CANX: variants seen among roughly 807,000 people sequenced by gnomAD.
CANX encodes the protein calnexin.
A neutral mutation model predicts 75.7 loss-of-function variants in CANX; 14 were observed. That is an observed-to-expected ratio of 0.19 (90% confidence interval 0.12 to 0.29). The LOEUF (loss-of-function observed/expected upper bound fraction) is 0.29, where lower values mean the gene tolerates loss of function less well. Among genes scored for constraint, CANX ranks in the 10% least tolerant of loss-of-function variants. CANX has a pLI of 1.00. For missense variants in CANX, 567 were observed against 713.2 expected, an observed-to-expected ratio of 0.79 and a Z score of 2.34; for synonymous variants, 227 against 236.9, an observed-to-expected ratio of 0.96 and a Z score of 0.38.
rs913712750 is a variant in CANX at position 179,683,208 on chromosome 5, G to A, written c.-4+4431G>A. ...CAGTGGCGCTACCTCAGCTCACTGC[G>A]ACCTCCACTTCGAGGTTCACACCAT... On this transcript the variant is annotated intron_variant, in intron 1 of 14. Coordinates refer to the CANX transcript ENST00000681674. Among the ~76,000 whole-genome samples the A allele has an allele frequency of 7.9e-5, 12 of 152,120 alleles. No individual in the cohort carries two copies. In the South Asian group the frequency reaches 1.0e-3, roughly 13 times the overall value.
intron 1 of CANX, among the ~76,000 whole-genome samples, chr5:179,692,792 T>C (rs1776320292): frequency 6.6e-6 from 1 of 152,108 alleles, no homozygotes; most frequent in African/African-American, 2.4e-5. Context: ...CTGGCATTAC[T>C]GGCAAGAGCC....
intron 8 of CANX, among the ~76,000 whole-genome samples, chr5:179,717,066 G>A (rs769983723): frequency 5.3e-5 from 8 of 152,306 alleles, no homozygotes; most frequent in Admixed American, 1.3e-4. Flanking sequence ...CTGTATTCTT[G>A]TATATGGCTG....
chr5:179,698,696 C>T, upstream of CANX: 2 of 951,736 alleles, frequency 2.1e-6, no homozygotes, highest in East Asian at 6.2e-5. Flanking sequence ...CCCCGAGACG[C>T]GCGCGCCCGG....
At chr5:179,705,102 C>T (rs910412561) in intron 1 of CANX, among the ~76,000 whole-genome samples, 57 of 152,208 alleles carry the variant, frequency 3.7e-4, no homozygotes, top group African/African-American at 1.3e-3. Flanking sequence ...TCTCCTGACT[C>T]AGCCTCCCAA....
rs1291386793 is a variant in CANX, at chr5:179,709,961, A to G, written c.617A>G (p.His206Arg). 1 of 1,613,340 alleles carries G rather than the reference A, an allele frequency of 6.2e-7. No individual in the cohort carries two copies. The highest frequency in any genetic ancestry group is 8.5e-7 in the Non-Finnish European group (1 of 1,179,446). ...EDYKLHFIFRHKNPKTGIYEE... is the reference protein window; with the variant it reads ...EDYKLHFIFRRKNPKTGIYEE... ...TATAAACTGCACTTCATCTTCCGAC[A>G]CAAAAACCCCAAAACGGGTATCTAT... The change falls in exon 7 of 15, where the codon CAC (histidine) becomes CGC (arginine). Residue 206 changes from histidine (H) to arginine (R), a missense_variant. By Grantham distance (29) the His-to-Arg change is conservative. Coordinates refer to ENST00000247461, the MANE Select transcript of CANX (RefSeq NM_001746.4).
intron 11 of CANX, 191 bp from the exon 12 acceptor site, chr5:179,723,469 A>T: frequency 1.9e-6 from 1 of 536,138 alleles, no homozygotes; most frequent in Non-Finnish European, 3.2e-6. Context: ...TGAGAGTGAA[A>T]TCATCTTGAT....
At chr5:179,698,584 C>T, upstream of CANX, 1 of 1,289,330 alleles carries the variant, frequency 7.8e-7, no homozygotes, top group Non-Finnish European at 1.0e-6. Context: ...TCCCAAGTCT[C>T]GGCTCCAGGA....
intron 13 of CANX, among the ~76,000 whole-genome samples, chr5:179,725,632 G>A (rs1213268680): frequency 7.1e-6 from 1 of 141,576 alleles, no homozygotes; most frequent in Admixed American, 7.4e-5. Context: ...AGTGAGCCGA[G>A]ATTGGGCCAC....
intron 1 of CANX, among the ~76,000 whole-genome samples, chr5:179,704,656 C>T (rs1036592585): frequency 1.3e-5 from 2 of 151,830 alleles, no homozygotes; most frequent in East Asian, 1.9e-4. Flanking sequence ...GCCAACATGG[C>T]GAAACCCTGT....
intron 1 of CANX, chr5:179,678,883 GCT>G (rs1775973510): frequency 1.3e-6 from 2 of 1,535,682 alleles, no homozygotes; most frequent in African/African-American, 2.7e-5. Context: ...TCGCCAGCTG[GCT>G]CTCAGTGGTC....
In CANX at chr5:179,708,931, A is replaced by C. The variant is rs772110044; in HGVS notation, c.447-47A>C. The stretch of plus-strand genomic sequence containing the variant: ...GAGGAAATACATTAAGAGAGTTTCG[A>C]TCTTTCAAAATGCCATACAGTTTTC... On this transcript the variant is annotated intron_variant, in intron 5 of 14. Transcript: ENST00000247461. The C allele has an allele frequency of 4.2e-6, 4 of 960,418 alleles. No individual in the cohort carries two copies. In the East Asian group the frequency reaches 7.2e-5, roughly 17 times the overall value. The allele number at this position is 960,418 out of a possible 1,614,324, so 59.5% of individuals were successfully genotyped here. A position where few individuals can be genotyped will look rare whatever the true frequency, so the allele number is the denominator to read the frequency against.
At chr5:179,698,215 A>G (rs911597311), upstream of CANX, among the ~76,000 whole-genome samples, 1 of 152,358 alleles carries the variant, frequency 6.6e-6, no homozygotes, top group African/African-American at 2.4e-5. Flanking sequence ...CCATGGCACC[A>G]TCCTTTCTCT....
chr5:179,700,548 A>G (rs1383518421), intron 1 of CANX: 1 of 152,580 alleles, frequency 6.6e-6, no homozygotes, highest in African/African-American at 2.4e-5. Context: ...CTGGATCATG[A>G]GAATGCTCGA....
chr5:179,711,175 A>T (rs1777527271), intron 7 of CANX, among the ~76,000 whole-genome samples: 1 of 152,036 alleles, frequency 6.6e-6, no homozygotes, highest in African/African-American at 2.4e-5. Context: ...TGTAATCCTA[A>T]CACTTCGGGA....
rs755619472 is a variant in CANX, at chr5:179,680,915, A to G, written c.-4+2138A>G. 6 of 1,536,572 alleles carry G rather than the reference A, an allele frequency of 3.9e-6. No individual in the cohort carries two copies. The South Asian group carries it at 7.1e-5, about 18-fold the overall frequency. ...TCAGGGAGATGGTCTCTGGAAGCCC[A>G]CATCCAGGCCCACCCTTGAGATTGT... On this transcript the variant is annotated intron_variant, in intron 1 of 14. Transcript: ENST00000681674.
At chr5:179,714,737 TC>T (rs1777812781) in intron 7 of CANX, among the ~76,000 whole-genome samples, 1 of 152,098 alleles carries the variant, frequency 6.6e-6, no homozygotes, top group Non-Finnish European at 1.5e-5. Flanking sequence ...CAGGATGGTC[TC>T]GATCTCCTGA....
rs547529615 is a variant in CANX at position 179,723,305 on chromosome 5, A to G, written c.1398+286A>G. On this transcript the variant is annotated intron_variant, in intron 11 of 14. Transcript: ENST00000247461. ...ATTTTAATACACTCTTATATGTTGA[A>G]TCTCGGTTTACACTACATACAGAAT... is the stretch of plus-strand genomic sequence containing the variant. Among the ~76,000 whole-genome samples the G allele has an allele frequency of 3.3e-5, 5 of 152,034 alleles. No individual in the cohort carries two copies. The South Asian group carries it at 1.0e-3, about 32-fold the overall frequency.
chr5:179,706,506 T>G (rs1581851784), intron 3 of CANX, among the ~76,000 whole-genome samples, 175 bp downstream of exon 3: 2 of 152,174 alleles, frequency 1.3e-5, no homozygotes, highest in East Asian at 3.8e-4. Context: ...TGCAATGGCG[T>G]GATACCGGCT....
rs912211353 is a variant in CANX at position 179,690,646 on chromosome 5, C to T, written c.-4+11869C>T. ...GTGGCTCACGCCTGTAATCCCAGCACTTTGGGAGGCTCAGGCAGGTGGATC... is the reference window on the plus strand; with the variant it reads ...GTGGCTCACGCCTGTAATCCCAGCATTTTGGGAGGCTCAGGCAGGTGGATC... On this transcript the variant is annotated intron_variant, in intron 1 of 14. Transcript: ENST00000681674. Among the ~76,000 whole-genome samples, 10 of 148,198 alleles carry T rather than the reference C, an allele frequency of 6.7e-5. No homozygotes were observed. The Admixed American group carries it at 6.8e-4, about 10-fold the overall frequency.
Sources: allele counts gnomAD v4.1 joint callset (sites outside exome capture counted in the v4.1 genomes callset), GRCh38; gene constraint gnomAD v4.1.1; transcripts MANE v1.5; gene names NCBI Gene and HGNC (gene_info 2026-07-23, HGNC 2026-07-21).